Variants in ARHGAP15 observed in about 807,000 individuals in gnomAD.
The protein encoded by ARHGAP15 is rho GTPase-activating protein 15.
In ARHGAP15, 51 loss-of-function variants were observed where a neutral mutation model predicts 63.7. The observed-to-expected ratio is 0.80, with a 90% CI of 0.64 to 1.01. The LOEUF is 1.01. ARHGAP15 is among the 50% of genes least tolerant of loss of function. ARHGAP15 has a pLI of 0.00. For missense variants in ARHGAP15, 560 were observed against 564.6 expected (o/e 0.99, Z 0.08); for synonymous variants, 191 against 193.8 (o/e 0.99, Z 0.12).
chr2:143,338,274 A>T (rs1458420206), intron 6 of ARHGAP15, among the ~76,000 whole-genome samples: 1 of 152,178 alleles, frequency 6.6e-6, no homozygotes, highest in Admixed American at 6.6e-5. Flanking sequence ...AAGTAAATAG[A>T]AATAAACATA....
intron 6 of ARHGAP15, among the ~76,000 whole-genome samples, chr2:143,419,893 A>T (rs1348758703): frequency 1.3e-5 from 2 of 152,160 alleles, no homozygotes; most frequent in African/African-American, 4.8e-5. Flanking sequence ...CAGCAATATC[A>T]TTGAAAATGT....
chr2:143,529,524 G>A lies in ARHGAP15; in HGVS notation c.925+10160G>A, dbSNP rs561052940. Among the ~76,000 whole-genome samples, 22 of 152,058 alleles carry A rather than the reference G, an allele frequency of 1.4e-4. No individual in the cohort carries two copies. In the South Asian group the frequency reaches 1.9e-3, roughly 13 times the overall value. On this transcript the variant is annotated intron_variant, in intron 10 of 13. Coordinates refer to ENST00000295095, the MANE Select transcript of ARHGAP15 (RefSeq NM_018460.4). Reference sequence around the variant, plus strand: ...CTCCAATGATTCATTGATCTCATAAGGATAAACAAAATTCCACACTAATTA... The same window carrying A: ...CTCCAATGATTCATTGATCTCATAAAGATAAACAAAATTCCACACTAATTA...
chr2:143,606,867 G>T (rs1322420514), intron 11 of ARHGAP15: 1 of 152,140 alleles, frequency 6.6e-6, no homozygotes, highest in Non-Finnish European at 1.5e-5. Flanking sequence ...TTCTGAATGG[G>T]TATGATCCCA....
In ARHGAP15 at chr2:143,611,267, A is replaced by T. The variant is rs147002434; in HGVS notation, c.1004-12866A>T. On this transcript the variant is annotated intron_variant, in intron 11 of 13. Transcript: ENST00000295095. ...GTTCCAGGGCATAAACTTGAATGACACTTTTTCCCTTCTTGCTCTATATGT... is the reference window on the plus strand; with the variant it reads ...GTTCCAGGGCATAAACTTGAATGACTCTTTTTCCCTTCTTGCTCTATATGT... 3.3e-3 allele frequency among the ~76,000 whole-genome samples: 507 copies of T among 152,266 alleles called. 3 individuals are homozygous for T. The highest frequency in any genetic ancestry group is 0.012 in the African/African-American group (482 of 41,552).
At chr2:143,600,071 A>C (rs941336838) in intron 11 of ARHGAP15, among the ~76,000 whole-genome samples, 5 of 152,184 alleles carry the variant, frequency 3.3e-5, no homozygotes, top group African/African-American at 9.6e-5. Flanking sequence ...TGAATTTGGC[A>C]TAGAGTCATG....
chr2:143,479,048 C>A (rs185639933), intron 8 of ARHGAP15, among the ~76,000 whole-genome samples: 1 of 152,294 alleles, frequency 6.6e-6, no homozygotes, highest in East Asian at 1.9e-4. Flanking sequence ...TCTTTACAGG[C>A]ATTTTTACAA....
chr2:143,390,674 A>G (rs189345476), intron 6 of ARHGAP15, among the ~76,000 whole-genome samples: 2 of 151,898 alleles, frequency 1.3e-5, no homozygotes, highest in African/African-American at 4.8e-5. Context: ...GTTCCAACAC[A>G]AAGCTTGCAG....
intron 10 of ARHGAP15, among the ~76,000 whole-genome samples, chr2:143,528,403 C>G (rs1694372589): frequency 6.6e-6 from 1 of 151,820 alleles, no homozygotes; most frequent in Non-Finnish European, 1.5e-5. Context: ...TTCCATGTAC[C>G]TCTCAGGAAA....
chr2:143,510,046 A>AAAAAAAAAAAAAAAAAAAC (rs1693512325), intron 9 of ARHGAP15, among the ~76,000 whole-genome samples: 1 of 138,086 alleles, frequency 7.2e-6, no homozygotes, highest in Non-Finnish European at 1.6e-5. Context: ...AAAAAAAAAA[A>AAAAAAAAAAAAAAAAAAAC]ATAGAAACAC....
At chr2:143,235,064 T>C (rs985853604) in intron 5 of ARHGAP15, among the ~76,000 whole-genome samples, 6 of 152,198 alleles carry the variant, frequency 3.9e-5, no homozygotes, top group Non-Finnish European at 8.8e-5. Context: ...GTTTGTGCTA[T>C]TTATATAAAT....
At chr2:143,296,732 C>T (rs1231602970) in intron 6 of ARHGAP15, among the ~76,000 whole-genome samples, 1 of 151,842 alleles carries the variant, frequency 6.6e-6, no homozygotes, top group Non-Finnish European at 1.5e-5. Context: ...CATAGGTAAA[C>T]GTGTGTCATG....
At chr2:143,674,158 G>A (rs1254515192) in intron 12 of ARHGAP15, among the ~76,000 whole-genome samples, 2 of 151,976 alleles carry the variant, frequency 1.3e-5, no homozygotes, top group Non-Finnish European at 2.9e-5. Flanking sequence ...GTATACTCAA[G>A]AGCAATGAAA....
intron 6 of ARHGAP15, among the ~76,000 whole-genome samples, chr2:143,307,310 A>G (rs1290973292): frequency 1.3e-5 from 2 of 152,110 alleles, no homozygotes; most frequent in African/African-American, 4.8e-5. Context: ...TATCCCTCAT[A>G]TTCACAGGTC....
intron 12 of ARHGAP15, among the ~76,000 whole-genome samples, chr2:143,690,623 A>AT (rs1043805818): frequency 2.6e-5 from 4 of 152,066 alleles, no homozygotes; most frequent in Non-Finnish European, 5.9e-5. Flanking sequence ...TCAGAGTATT[A>AT]TTTTTTCCAT....
chr2:143,698,448 C>T (rs1683944773), intron 12 of ARHGAP15, among the ~76,000 whole-genome samples: 1 of 152,174 alleles, frequency 6.6e-6, no homozygotes, highest in South Asian at 2.1e-4. Context: ...CTTATCATAA[C>T]ATTAAAGGCT....
At chr2:143,638,627 T>G (rs1204013343) in intron 12 of ARHGAP15, among the ~76,000 whole-genome samples, 1 of 145,154 alleles carries the variant, frequency 6.9e-6, no homozygotes, top group East Asian at 2.1e-4. Flanking sequence ...AATGTGCACA[T>G]GTACCCTAAA....
At chr2:143,599,863 T>G (rs571456129) in intron 11 of ARHGAP15, among the ~76,000 whole-genome samples, 1 of 152,330 alleles carries the variant, frequency 6.6e-6, no homozygotes, top group African/African-American at 2.4e-5. Flanking sequence ...GGCTAAATTA[T>G]TTGCTTAGAA....
At chr2:143,683,631 C>T (rs1420483613) in intron 12 of ARHGAP15, among the ~76,000 whole-genome samples, 1 of 152,198 alleles carries the variant, frequency 6.6e-6, no homozygotes, top group Non-Finnish European at 1.5e-5. Context: ...CTCTTATCTA[C>T]ATGCCACATT....
intron 12 of ARHGAP15, among the ~76,000 whole-genome samples, chr2:143,654,348 C>T (rs1486946146): frequency 2.0e-5 from 3 of 152,076 alleles, no homozygotes; most frequent in Non-Finnish European, 2.9e-5. Context: ...TGCAATCATC[C>T]TCAGTGAGGT....
Sources: gnomAD v4.1 joint callset for allele counts (sites outside exome capture counted in the v4.1 genomes callset) on GRCh38, gnomAD v4.1.1 for gene constraint, MANE v1.5 for transcripts, NCBI Gene and HGNC (gene_info 2026-07-23, HGNC 2026-07-21) for gene names.